The following HPSE2 variants were observed in gnomAD, a reference collection of about 807,000 sequenced individuals.
HPSE2 encodes inactive heparanase-2.
A neutral mutation model predicts 60.5 loss-of-function variants in HPSE2; 38 were observed. That is an observed-to-expected ratio of 0.63 (90% CI 0.48 to 0.82). The LOEUF is 0.82. Ranked by LOEUF, HPSE2 falls within the 40% of genes least tolerant of loss-of-function variation. The pLI is 0.00. For synonymous variants in HPSE2, 295 were observed against 293.2 expected (o/e 1.01, Z -0.06); for missense variants, 713 against 740.4 (o/e 0.96, Z 0.43).
chr10:98,681,456 TG>T (rs1947785669), intron 6 of HPSE2, among the ~76,000 whole-genome samples: 1 of 152,200 alleles, frequency 6.6e-6, no homozygotes. Context: ...AAATCATGCA[TG>T]GGTAAAAGGT....
chr10:98,550,872 G>T (rs1043952067), intron 9 of HPSE2, among the ~76,000 whole-genome samples: 8 of 152,128 alleles, frequency 5.3e-5, no homozygotes, highest in Admixed American at 2.0e-4. Flanking sequence ...GCCTCCCAAA[G>T]TGCTGGGATT....
chr10:98,655,026 G>A, intron 6 of HPSE2, among the ~76,000 whole-genome samples: 1 of 152,318 alleles, frequency 6.6e-6, no homozygotes, highest in East Asian at 1.9e-4. Context: ...TGCTGGTGTG[G>A]CAGTAAGTTG....
intron 9 of HPSE2, among the ~76,000 whole-genome samples, chr10:98,579,630 G>T (rs961840115): frequency 2.6e-5 from 4 of 152,074 alleles, no homozygotes; most frequent in Non-Finnish European, 5.9e-5. Context: ...TCCTTTTATA[G>T]CTTTCCAAGG....
At chr10:98,610,688 T>C (rs988228591) in intron 9 of HPSE2, among the ~76,000 whole-genome samples, 2 of 152,210 alleles carry the variant, frequency 1.3e-5, no homozygotes, top group African/African-American at 4.8e-5. Flanking sequence ...TTATTCCAAA[T>C]AGAGGACTAA....
chr10:99,311,097 G>T, the HPSE2 span, among the ~76,000 whole-genome samples: 3 of 152,104 alleles, frequency 2.0e-5, no homozygotes, highest in Non-Finnish European at 4.4e-5. Context: ...AAAAAAGTAT[G>T]ATAAACTTAA....
At chr10:99,077,261 T>C (rs1371280876) in intron 3 of HPSE2, among the ~76,000 whole-genome samples, 1 of 152,188 alleles carries the variant, frequency 6.6e-6, no homozygotes, top group Non-Finnish European at 1.5e-5. Context: ...TTTACCAGAT[T>C]TGAAAAGTTT....
At chr10:98,719,894 G>A (rs981699695) in intron 5 of HPSE2, among the ~76,000 whole-genome samples, 5 of 151,682 alleles carry the variant, frequency 3.3e-5, no homozygotes, top group East Asian at 1.9e-4. Flanking sequence ...CCAGCTACTC[G>A]GGAGGTTGAG....
chr10:98,654,948 T>C (rs545627818), intron 6 of HPSE2, among the ~76,000 whole-genome samples: 2 of 152,328 alleles, frequency 1.3e-5, no homozygotes, highest in South Asian at 2.1e-4. Flanking sequence ...TAGGCTTTCC[T>C]AGTTACTCCT....
chr10:99,184,819 T>TATATATATAGAGAGAGAGAG (rs1554912295), intron 2 of HPSE2, among the ~76,000 whole-genome samples: 1 of 19,858 alleles, frequency 5.0e-5, no homozygotes, highest in Non-Finnish European at 9.9e-5. Flanking sequence ...TATATATATA[T>TATATATATAGAGAGAGAGAG]AGAGAGAGAG....
chr10:98,694,048 C>G, intron 5 of HPSE2, 101 bp from the exon 6 acceptor site: 2 of 953,668 alleles, frequency 2.1e-6, no homozygotes, highest in Non-Finnish European at 1.7e-6. Flanking sequence ...AATCCTTAAG[C>G]AGGTATGCTT....
In HPSE2 at chr10:98,495,513, T is replaced by C. The variant is rs537852523; in HGVS notation, c.1321-5317A>G. ...CCTTCTGGGACTCCCACAGTGTGTA[T>C]ATTAGTCCACTTAATGGTGTCCCCC... On this transcript the variant is annotated intron_variant, in intron 9 of 11. Coordinates refer to ENST00000370552, the MANE Select transcript of HPSE2 (RefSeq NM_021828.5). 4.6e-5 allele frequency among the ~76,000 whole-genome samples: 7 copies of C among 152,308 alleles called. No individual in the cohort carries two copies. In the South Asian group the frequency reaches 1.2e-3, roughly 27 times the overall value.
At chr10:98,508,622 C>T (rs1014837507) in intron 9 of HPSE2, among the ~76,000 whole-genome samples, 1 of 152,144 alleles carries the variant, frequency 6.6e-6, no homozygotes, top group African/African-American at 2.4e-5. Context: ...TAGGGCAGGA[C>T]TCTATGAGAG....
intron 6 of HPSE2, among the ~76,000 whole-genome samples, chr10:98,689,490 T>G (rs897846553): frequency 2.0e-5 from 3 of 152,228 alleles, no homozygotes; most frequent in African/African-American, 7.2e-5. Flanking sequence ...CTAATATTTC[T>G]CAATATGGAT....
chr10:98,588,305 A>G (rs1186324195), intron 9 of HPSE2, among the ~76,000 whole-genome samples: 1 of 152,158 alleles, frequency 6.6e-6, no homozygotes, highest in African/African-American at 2.4e-5. Context: ...GCATCACAGA[A>G]AAGAGGCCCA....
intron 2 of HPSE2, among the ~76,000 whole-genome samples, chr10:99,231,594 G>A (rs531423369): frequency 6.6e-6 from 1 of 152,110 alleles, no homozygotes; most frequent in South Asian, 2.1e-4. Flanking sequence ...AAAAAAGATT[G>A]GCCTCTCAGA....
intron 7 of HPSE2, among the ~76,000 whole-genome samples, chr10:98,625,492 T>A (rs1471105550): frequency 6.6e-6 from 1 of 152,232 alleles, no homozygotes; most frequent in East Asian, 1.9e-4. Context: ...AAGGATTTTA[T>A]GTGTTATCAA....
At chr10:98,479,140 G>C (rs528570305) in intron 11 of HPSE2, among the ~76,000 whole-genome samples, 3 of 152,098 alleles carry the variant, frequency 2.0e-5, no homozygotes. Flanking sequence ...CCATGTCCTC[G>C]AGCAATCAAA....
intron 11 of HPSE2, among the ~76,000 whole-genome samples, chr10:98,475,763 C>T (rs7070118): frequency 0.42 from 63,056 of 151,918 alleles, 14,084 homozygotes; most frequent in African/African-American, 0.61. Context: ...TTCCCCACTT[C>T]TTCTGGAAAA....
intron 3 of HPSE2, among the ~76,000 whole-genome samples, chr10:99,023,517 G>C (rs1400471164): frequency 1.3e-5 from 2 of 152,242 alleles, no homozygotes; most frequent in East Asian, 3.9e-4. Flanking sequence ...AGTAGCCAGG[G>C]AGTGGATATA....
Sources: allele counts gnomAD v4.1 joint callset (sites outside exome capture counted in the v4.1 genomes callset), GRCh38; gene constraint gnomAD v4.1.1; transcripts MANE v1.5; gene names NCBI Gene and HGNC (gene_info 2026-07-23, HGNC 2026-07-21).